Variants in SGIP1 observed in about 807,000 individuals in gnomAD.
The protein encoded by SGIP1 is SH3-containing GRB2-like protein 3-interacting protein 1.
In SGIP1, 38 loss-of-function variants were observed where a neutral mutation model predicts 107.5. The ratio of observed to expected loss-of-function variants is 0.35; its 90% CI spans 0.27 to 0.46. SGIP1 has a LOEUF of 0.46. SGIP1 is among the 20% of genes least tolerant of loss of function. The pLI is 1.00. For missense variants in SGIP1, 929 were observed against 1,019.5 expected, an observed-to-expected ratio of 0.91 and a Z score of 1.21; for synonymous variants, 365 against 366.1, an observed-to-expected ratio of 1.00 and a Z score of 0.03.
At chr1:66,709,095 A>G (rs1168389826) in intron 18 of SGIP1, among the ~76,000 whole-genome samples, 2 of 152,016 alleles carry the variant, frequency 1.3e-5, no homozygotes, top group Non-Finnish European at 1.5e-5. Flanking sequence ...TGTTTGTTAC[A>G]TAGGTATACA....
chr1:66,710,586 A>G (rs1572120325), intron 18 of SGIP1, among the ~76,000 whole-genome samples: 1 of 152,140 alleles, frequency 6.6e-6, no homozygotes, highest in Admixed American at 6.6e-5. Flanking sequence ...TCCCAAATTA[A>G]CACTAGTGTC....
intron 18 of SGIP1, among the ~76,000 whole-genome samples, chr1:66,709,935 G>A (rs183410450): frequency 3.3e-5 from 5 of 151,934 alleles, no homozygotes; most frequent in Admixed American, 6.6e-5. Context: ...ACATTACATA[G>A]AGATACATTT....
At chr1:66,707,720 G>A (rs1356094943) in intron 18 of SGIP1, among the ~76,000 whole-genome samples, 1 of 152,150 alleles carries the variant, frequency 6.6e-6, no homozygotes, top group Non-Finnish European at 1.5e-5. Context: ...AATTTTCCAA[G>A]AGAGTTGATG....
intron 1 of SGIP1, among the ~76,000 whole-genome samples, chr1:66,549,142 C>G (rs1219486330): frequency 1.4e-4 from 1 of 7,206 alleles, no homozygotes. Context: ...TACCTGCCTT[C>G]CTTCCTTCCT....
At chr1:66,677,311 A>G (rs755981050) in intron 13 of SGIP1, among the ~76,000 whole-genome samples, 3 of 152,258 alleles carry the variant, frequency 2.0e-5, no homozygotes, top group Non-Finnish European at 4.4e-5. Flanking sequence ...CAAATTATTA[A>G]CCTTGAATCA....
intron 18 of SGIP1, among the ~76,000 whole-genome samples, chr1:66,706,854 C>G (rs1003077905): frequency 1.3e-5 from 2 of 152,014 alleles, no homozygotes; most frequent in African/African-American, 2.4e-5. Flanking sequence ...TTTTAACATA[C>G]GCTAATATTC....
intron 7 of SGIP1, among the ~76,000 whole-genome samples, chr1:66,655,283 T>C (rs1034860789): frequency 3.9e-5 from 6 of 152,118 alleles, no homozygotes; most frequent in African/African-American, 1.4e-4. Flanking sequence ...CTGGGAGCCC[T>C]CTTCCCCTAG....
intron 12 of SGIP1, among the ~76,000 whole-genome samples, chr1:66,674,472 A>G (rs1185686999): frequency 6.6e-6 from 1 of 152,246 alleles, no homozygotes; most frequent in Non-Finnish European, 1.5e-5. Flanking sequence ...TGGTAAATGT[A>G]TAATAACATG....
chr1:66,643,480 T>A, intron 6 of SGIP1, 64 bp from the exon 7 acceptor site: 4 of 1,397,702 alleles, frequency 2.9e-6, no homozygotes, highest in Non-Finnish European at 3.9e-6. Context: ...ATGCAATTGC[T>A]CTTGTCTTGG....
intron 19 of SGIP1, among the ~76,000 whole-genome samples, chr1:66,726,542 T>C (rs983353289): frequency 3.3e-5 from 5 of 152,036 alleles, no homozygotes; most frequent in African/African-American, 9.7e-5. Context: ...ACCAAATAAA[T>C]CTATAGAACA....
chr1:66,673,281 C>T lies in SGIP1; in HGVS notation c.561C>T (p.Ser187=), dbSNP rs1208736190. The T allele has an allele frequency of 6.2e-7, 1 of 1,613,584 alleles. No individual in the cohort carries two copies. Residue 187 remains serine, a splice_region_variant and synonymous_variant, in exon 12 of 25, where the codon AGC becomes AGT. Transcript: ENST00000371037. ...RRSTPTPELI[S]KKPPDDTTAL... ...TTTTGCCTTAATGTGTGTGATTTAG[C>T]AAAAAGCCTCCAGATGACACTACGG...
At chr1:66,636,598 G>C (rs1230066064) in intron 4 of SGIP1, among the ~76,000 whole-genome samples, 2 of 152,232 alleles carry the variant, frequency 1.3e-5, no homozygotes, top group Admixed American at 6.5e-5. Flanking sequence ...CTTGTGGCTA[G>C]TGGCTACCAT....
chr1:66,653,557 T>C (rs568640860), intron 7 of SGIP1, among the ~76,000 whole-genome samples: 1 of 152,236 alleles, frequency 6.6e-6, no homozygotes, highest in Non-Finnish European at 1.5e-5. Context: ...CCTACATCAT[T>C]TTATACTGTC....
intron 1 of SGIP1, among the ~76,000 whole-genome samples, chr1:66,560,831 A>T (rs2058832176): frequency 6.6e-6 from 1 of 152,082 alleles, no homozygotes; most frequent in African/African-American, 2.4e-5. Context: ...CTTAAGCTTT[A>T]TGCTTTGGTT....
chr1:66,608,375 T>C (rs1339391026), intron 1 of SGIP1, among the ~76,000 whole-genome samples: 2 of 152,240 alleles, frequency 1.3e-5, no homozygotes, highest in African/African-American at 2.4e-5. Flanking sequence ...TAATCTGTAA[T>C]ATGTGTATAT....
intron 1 of SGIP1, among the ~76,000 whole-genome samples, chr1:66,552,882 C>T (rs984476945): frequency 2.6e-5 from 4 of 152,044 alleles, no homozygotes; most frequent in African/African-American, 7.2e-5. Context: ...ATAAGGAAAA[C>T]GCTTCCTTCA....
intron 1 of SGIP1, among the ~76,000 whole-genome samples, chr1:66,543,636 T>A (rs2055558233): frequency 6.6e-6 from 1 of 152,102 alleles, no homozygotes; most frequent in Non-Finnish European, 1.5e-5. Flanking sequence ...TGAGTACACA[T>A]ACAATGTGAC....
intron 1 of SGIP1, among the ~76,000 whole-genome samples, chr1:66,566,869 A>C: frequency 1.3e-5 from 2 of 150,672 alleles, no homozygotes; most frequent in African/African-American, 2.4e-5. Context: ...CTTGCCCCCC[A>C]CCCCCTAACA....
chr1:66,694,386 G>T, intron 17 of SGIP1: 1 of 1,503,882 alleles, frequency 6.6e-7, no homozygotes, highest in Non-Finnish European at 9.1e-7. Flanking sequence ...TTTCATTTGG[G>T]ATTTGTATTT....
Sources: gnomAD v4.1 joint callset for allele counts (sites outside exome capture counted in the v4.1 genomes callset) on GRCh38, gnomAD v4.1.1 for gene constraint, MANE v1.5 for transcripts, NCBI Gene and HGNC (gene_info 2026-07-23, HGNC 2026-07-21) for gene names.